Variants in PHYHIPL observed in about 807,000 individuals in gnomAD.
PHYHIPL encodes the protein phytanoyl-CoA 2-hydroxylase interacting protein like.
In PHYHIPL, 9 loss-of-function variants were observed where a neutral mutation model predicts 33.4. That is an observed-to-expected ratio of 0.27 (90% CI 0.16 to 0.47). The LOEUF is 0.47. PHYHIPL is among the 20% of genes least tolerant of loss of function. PHYHIPL has a pLI of 0.99. For synonymous variants in PHYHIPL, 153 were observed against 154.1 expected (o/e 0.99, Z 0.05); for missense variants, 365 against 460.7 (o/e 0.79, Z 1.90).
Position 59,178,259 on chromosome 10 carries a change from A to G in PHYHIPL, c.106+1300A>G, listed in dbSNP as rs12218888. ...AACCAAAACCACTTTAATTTCTGAT[A>G]CAGGTGTAGTATATGAATAAATAAA... On this transcript the variant is annotated intron_variant, in intron 1 of 4. Transcript: ENST00000373880. 8.9e-3 allele frequency among the ~76,000 whole-genome samples: 1,349 copies of G among 152,160 alleles called. 16 individuals are homozygous for G. The highest frequency in any genetic ancestry group is 0.013 in the East Asian group (68 of 5,196).
chr10:59,181,956 A>G (rs991161006), intron 1 of PHYHIPL, among the ~76,000 whole-genome samples: 4 of 152,210 alleles, frequency 2.6e-5, no homozygotes, highest in Admixed American at 6.5e-5. Context: ...CACTCTCTAT[A>G]GAATGCTATT....
At chr10:59,237,620 A>G (rs183913321) in intron 3 of PHYHIPL, among the ~76,000 whole-genome samples, 133 of 152,064 alleles carry the variant, frequency 8.7e-4, no homozygotes, top group African/African-American at 3.1e-3. Flanking sequence ...TTTAATCTGA[A>G]CATCGAATTC....
chr10:59,239,301 C>T lies in PHYHIPL; in HGVS notation c.596+596C>T, dbSNP rs1840321113. On this transcript the variant is annotated intron_variant, in intron 4 of 4. Transcript: ENST00000373880. ...GTGGAAGGCAAGGAGAAGCAAGTCA[C>T]ATCTTACATGGATAGCAACAGGCAA... Among the ~76,000 whole-genome samples the T allele has an allele frequency of 2.6e-5, 4 of 152,020 alleles. No individual in the cohort carries two copies. In the South Asian group the frequency reaches 8.3e-4, roughly 32 times the overall value.
At chr10:59,180,608 A>G (rs1198731290) in intron 1 of PHYHIPL, among the ~76,000 whole-genome samples, 1 of 151,946 alleles carries the variant, frequency 6.6e-6, no homozygotes, top group Non-Finnish European at 1.5e-5. Context: ...AACACATTGG[A>G]AAGAAATTAC....
chr10:59,227,636 A>T (rs1016984583), intron 1 of PHYHIPL, among the ~76,000 whole-genome samples: 1 of 152,170 alleles, frequency 6.6e-6, no homozygotes, highest in African/African-American at 2.4e-5. Flanking sequence ...CATATACCTC[A>T]CACTATGGCA....
At chr10:59,185,488 GATGGCTGGGTCAAATGGTATTTCTA>G (rs1438495153) in intron 1 of PHYHIPL, among the ~76,000 whole-genome samples, 32 of 152,266 alleles carry the variant, frequency 2.1e-4, no homozygotes, top group Non-Finnish European at 4.1e-4. Flanking sequence ...CCAGTAATGG[GATGGCTGGGTCAAATGGTATTTCTA>G]ATTCTAGATC....
intron 1 of PHYHIPL, among the ~76,000 whole-genome samples, chr10:59,188,867 C>T (rs933866291): frequency 3.9e-5 from 6 of 151,902 alleles, no homozygotes; most frequent in Non-Finnish European, 8.8e-5. Context: ...TGTCTCTGCA[C>T]GTGAGATGGG....
chr10:59,176,428 C>T (rs1348003415), upstream of PHYHIPL, among the ~76,000 whole-genome samples: 3 of 152,022 alleles, frequency 2.0e-5, no homozygotes, highest in Non-Finnish European at 2.9e-5. Context: ...CGACGCCTCA[C>T]GCGCGAGGTT....
intron 1 of PHYHIPL, among the ~76,000 whole-genome samples, chr10:59,183,068 A>G (rs577353008): frequency 6.6e-6 from 1 of 152,204 alleles, no homozygotes; most frequent in East Asian, 1.9e-4. Flanking sequence ...GGATGATATT[A>G]TATATACTGC....
intron 1 of PHYHIPL, among the ~76,000 whole-genome samples, chr10:59,218,585 G>A (rs1839678990): frequency 6.6e-6 from 1 of 152,110 alleles, no homozygotes; most frequent in South Asian, 2.1e-4. Context: ...ATAGTCATCA[G>A]GAAAGGCATT....
chr10:59,245,509 G>A lies in PHYHIPL; in HGVS notation c.1049G>A (p.Gly350Asp). The part of the protein sequence containing the change: ...LSVGTVAEIT[G>D]HQLMSLSTAN... ...GTGGGCACCGTGGCAGAAATCACTGGTCATCAGCTCATGAGTTTGTCTACT... is the reference window on the plus strand; with the variant it reads ...GTGGGCACCGTGGCAGAAATCACTGATCATCAGCTCATGAGTTTGTCTACT... Residue 350 changes from glycine (G) to aspartate (D), a missense_variant, in exon 5 of 5, where the codon GGT (glycine) becomes GAT (aspartate). Transcript: ENST00000373880. 6.2e-7 allele frequency: 1 copy of A among 1,614,088 alleles called. No homozygotes were observed. The highest frequency in any genetic ancestry group is 8.5e-7 in the Non-Finnish European group (1 of 1,180,006).
At chr10:59,226,434 A>G (rs1050925981) in intron 1 of PHYHIPL, among the ~76,000 whole-genome samples, 1 of 152,150 alleles carries the variant, frequency 6.6e-6, no homozygotes, top group Non-Finnish European at 1.5e-5. Context: ...AGAAGGCCCC[A>G]GTGTTTAATT....
intron 1 of PHYHIPL, among the ~76,000 whole-genome samples, chr10:59,205,271 T>C (rs552462680): frequency 6.6e-6 from 1 of 152,334 alleles, no homozygotes; most frequent in South Asian, 2.1e-4. Flanking sequence ...TGTAACAGCT[T>C]TTTCTCATGT....
rs760565271 is a variant in PHYHIPL at position 59,236,661 on chromosome 10, A to G, written c.478+4A>G. On this transcript the variant is annotated splice_donor_region_variant and intron_variant, in intron 3 of 4. Transcript: ENST00000373880. ...ATTATAGAATTCTGCACCGCAGGTA[A>G]GAGAACTAGGTACAAATATAGAAAA... The G allele has an allele frequency of 6.3e-7, 1 of 1,592,958 alleles. No homozygotes were observed. Among genetic ancestry groups the G allele is most frequent in the Non-Finnish European group, 8.6e-7 (1 of 1,169,578 alleles).
chr10:59,176,654 C>A lies in PHYHIPL; in HGVS notation c.-200C>A. 1 of 545,108 alleles carries A rather than the reference C, an allele frequency of 1.8e-6. No individual in the cohort carries two copies. The highest frequency in any genetic ancestry group is 3.2e-6 in the Non-Finnish European group (1 of 308,064). The allele number at this position is 545,108 out of a possible 1,614,324, so 33.8% of individuals were successfully genotyped here. ...CTGCTCGGTCTCTCAGAGCCGCACA[C>A]TCCGCGGAGCTCCTGCCACAGCCGT... On this transcript the variant is annotated 5_prime_UTR_variant, in exon 1 of 5. Coordinates refer to ENST00000373880, the MANE Select transcript of PHYHIPL (RefSeq NM_032439.4).
At chr10:59,222,985 G>A (rs1739858919) in intron 1 of PHYHIPL, among the ~76,000 whole-genome samples, 1 of 152,068 alleles carries the variant, frequency 6.6e-6, no homozygotes, top group African/African-American at 2.4e-5. Flanking sequence ...TTTACTCAAG[G>A]TCAAACAACT....
chr10:59,238,978 C>T (rs1840311142), intron 4 of PHYHIPL, among the ~76,000 whole-genome samples: 1 of 151,886 alleles, frequency 6.6e-6, no homozygotes, highest in Non-Finnish European at 1.5e-5. Flanking sequence ...GATCGATGAG[C>T]ATTTCAGGTA....
In PHYHIPL at chr10:59,245,000, A is replaced by AAATC. The variant is rs1295694813; in HGVS notation, c.597-55_597-52dup. 15 of 1,521,832 alleles carry AAATC rather than the reference A, an allele frequency of 9.9e-6. 1 individual carries two copies. The highest frequency in any genetic ancestry group is 3.8e-4 in the Middle Eastern group (2 of 5,238). The allele number at this position is 1,521,832 out of a possible 1,614,324, so 94.3% of individuals were successfully genotyped here. A position where few individuals can be genotyped will look rare whatever the true frequency, so the allele number is the denominator to read the frequency against. ...TGACTTTTAGGCCATTCAAATATAT[A>AAATC]AATCAGTGGGTTTACCACTATTGTA... On this transcript the variant is annotated intron_variant, in intron 4 of 4. Transcript: ENST00000373880.
intron 1 of PHYHIPL, among the ~76,000 whole-genome samples, chr10:59,217,288 A>G (rs1839645279): frequency 6.6e-6 from 1 of 152,126 alleles, no homozygotes; most frequent in South Asian, 2.1e-4. Flanking sequence ...TGATATGAAT[A>G]CAAATAGAGC....
Sources: allele counts gnomAD v4.1 joint callset (sites outside exome capture counted in the v4.1 genomes callset), GRCh38; gene constraint gnomAD v4.1.1; transcripts MANE v1.5; gene names NCBI Gene and HGNC (gene_info 2026-07-23, HGNC 2026-07-21).